Variants in PIGF observed in about 807,000 individuals in gnomAD.
PIGF encodes GPI ethanolamine phosphate transferase, stabilizing subunit.
In PIGF, 23 loss-of-function variants were observed where a neutral mutation model predicts 26.0. The observed-to-expected ratio is 0.88, with a 90% CI of 0.64 to 1.25. The LOEUF is 1.25. PIGF is among the 50% of genes most tolerant of loss of function. The probability of loss-of-function intolerance (pLI) is 0.00; values close to 1 mark genes in which losing one functional copy is unlikely to be tolerated. For synonymous variants in PIGF, 93 were observed against 92.6 expected, an observed-to-expected ratio of 1.00 and a Z score of -0.03; for missense variants, 278 against 249.9, an observed-to-expected ratio of 1.11 and a Z score of -0.76.
intron 4 of PIGF, among the ~76,000 whole-genome samples, chr2:46,598,832 G>C (rs1457125958): frequency 1.3e-5 from 2 of 152,088 alleles, no homozygotes; most frequent in East Asian, 3.8e-4. Flanking sequence ...ATGGTATACA[G>C]TTATATCTCA....
chr2:46,613,606 G>C, intron 3 of PIGF, 88 bp downstream of exon 3: 1 of 906,634 alleles, frequency 1.1e-6, no homozygotes, highest in Non-Finnish European at 1.6e-6. Flanking sequence ...TGCACATCAT[G>C]GTTTTTCTCT....
At position 46,615,094 on chromosome 2, in the gene PIGF, A is replaced by T. The variant is rs190934977; in HGVS notation, c.71T>A (p.Val24Asp). The part of the protein sequence containing the change: ...LLCIFSIILS[V>D]FIPSLFLENF... Reference sequence around the variant, plus strand: ...CTCCAAGAAGAGTGATGGAATGAAGACACTTAGGATAATTGAAAATATGCA... The same window carrying T: ...CTCCAAGAAGAGTGATGGAATGAAGTCACTTAGGATAATTGAAAATATGCA... The change falls in exon 2 of 6, where the codon GTC (valine) becomes GAC (aspartate). Residue 24 changes from valine (V) to aspartate (D), a missense_variant. Val to Asp is a radical substitution (Grantham distance 152). Coordinates refer to ENST00000281382, the MANE Select transcript of PIGF (RefSeq NM_002643.4). 60 of 1,586,436 alleles carry T rather than the reference A, an allele frequency of 3.8e-5. No homozygotes were observed. In the Admixed American group the frequency reaches 6.8e-4, roughly 18 times the overall value.
intron 5 of PIGF, chr2:46,591,805 C>T: frequency 7.8e-7 from 1 of 1,278,724 alleles, no homozygotes; most frequent in Non-Finnish European, 1.0e-6. Context: ...GCACTTACCT[C>T]ACAGTGCTTT....
intron 1 of PIGF, chr2:46,616,042 C>T (rs924674294): frequency 8.7e-6 from 1 of 114,614 alleles, no homozygotes; most frequent in Non-Finnish European, 1.8e-5. Context: ...TATACACACA[C>T]ACGCACACGC....
rs199892069 is a variant in PIGF at position 46,592,504 on chromosome 2, T to C, written c.517A>G (p.Ile173Val). The change falls in exon 5 of 6, where the codon ATT becomes GTT. Residue 173 changes from isoleucine (I) to valine (V), a missense_variant. Ile to Val is a conservative substitution (Grantham distance 29). Transcript: ENST00000281382. Reference sequence around the variant, plus strand: ...CATGGTCTTTCCCAATCCAGTGGAATAGGAAGTGCTCCAAGCCATGCTCCT... The same window carrying C: ...CATGGTCTTTCCCAATCCAGTGGAACAGGAAGTGCTCCAAGCCATGCTCCT... ...FVGAWLGALP[I>V]PLDWERPWQV... 1 of 1,605,398 alleles carries C rather than the reference T, an allele frequency of 6.2e-7. No individual in the cohort carries two copies. The highest frequency in any genetic ancestry group is 1.1e-5 in the South Asian group (1 of 90,888).
intron 4 of PIGF, among the ~76,000 whole-genome samples, chr2:46,608,588 T>C (rs1480887879): frequency 6.6e-6 from 1 of 152,236 alleles, no homozygotes; most frequent in African/African-American, 2.4e-5. Context: ...CTATGGCAGC[T>C]ATAGCCTTAC....
At chr2:46,608,980 C>G (rs1229251071) in intron 4 of PIGF, among the ~76,000 whole-genome samples, 5 of 152,220 alleles carry the variant, frequency 3.3e-5, no homozygotes, top group African/African-American at 1.2e-4. Context: ...TGCACTGGCC[C>G]CTAACAAGAG....
chr2:46,596,202 G>C (rs1365369407), intron 4 of PIGF, among the ~76,000 whole-genome samples: 2 of 139,128 alleles, frequency 1.4e-5, no homozygotes, highest in African/African-American at 5.7e-5. Context: ...GACAGAGCGA[G>C]ACCCCATCTC....
chr2:46,595,893 C>G (rs17035361), intron 4 of PIGF, among the ~76,000 whole-genome samples: 36,005 of 151,978 alleles, frequency 0.24, 5,174 homozygotes, highest in African/African-American at 0.41. Context: ...TTTCAATCAA[C>G]GCAACTTTAC....
At chr2:46,595,126 T>C (rs1669843402) in intron 4 of PIGF, among the ~76,000 whole-genome samples, 1 of 152,204 alleles carries the variant, frequency 6.6e-6, no homozygotes, top group Non-Finnish European at 1.5e-5. Context: ...AAATCCTTTC[T>C]AGCCATACAA....
rs1343222411 is a variant in PIGF, at chr2:46,612,345, C to G, written c.321-1G>C. The G allele has an allele frequency of 8.6e-7, 1 of 1,168,112 alleles. No individual in the cohort carries two copies. The highest frequency in any genetic ancestry group is 1.2e-6 in the Non-Finnish European group (1 of 833,584). 72.4% of individuals were successfully genotyped at this position (1,168,112 alleles called of 1,614,324 possible). ...AAATAAAAATGTTTCCAATGCCAAC[C>G]TAGAAAAAAAAAAAGATTACTTTTT... On this transcript the variant is annotated splice_acceptor_variant, in intron 3 of 5. Transcript: ENST00000281382. LOFTEE classifies it high-confidence loss of function.
intron 5 of PIGF, 58 bp downstream of exon 5, chr2:46,592,417 C>T: frequency 1.1e-6 from 1 of 882,154 alleles, no homozygotes; most frequent in Non-Finnish European, 1.9e-6. Context: ...TTTGCTTCAT[C>T]TGTTTTACTA....
Position 46,601,387 on chromosome 2 carries a change from G to A in PIGF, c.438-8804C>T, listed in dbSNP as rs557912005. Among the ~76,000 whole-genome samples the A allele has an allele frequency of 5.7e-4, 86 of 152,184 alleles. No individual in the cohort carries two copies. In the South Asian group the frequency reaches 0.017, roughly 30 times the overall value. On this transcript the variant is annotated intron_variant, in intron 4 of 5. Transcript: ENST00000281382. The stretch of plus-strand genomic sequence containing the variant: ...ATCAAATATTAATTGAAGTAAACAG[G>A]CCATTTTGAGTGCCTACTACGTGCC...
At chr2:46,616,430 T>C (rs1189370589) in intron 1 of PIGF, 2 of 152,422 alleles carry the variant, frequency 1.3e-5, no homozygotes, top group African/African-American at 4.8e-5. Context: ...CAGATGTGGA[T>C]GTAATACAGT....
At chr2:46,585,717 G>A (rs1250826998) in intron 5 of PIGF, among the ~76,000 whole-genome samples, 1 of 152,094 alleles carries the variant, frequency 6.6e-6, no homozygotes, top group Middle Eastern at 3.2e-3. Flanking sequence ...AATAGTTCAT[G>A]AGTAATATAC....
At chr2:46,613,641 T>G (rs1357760847) in intron 3 of PIGF, 53 bp downstream of exon 3, 1 of 1,331,334 alleles carries the variant, frequency 7.5e-7, no homozygotes, top group Non-Finnish European at 1.0e-6. Flanking sequence ...AGCACACAGT[T>G]TGGTAAATGA....
At chr2:46,608,773 AT>A (rs549196464) in intron 4 of PIGF, among the ~76,000 whole-genome samples, 18 of 150,598 alleles carry the variant, frequency 1.2e-4, no homozygotes, top group African/African-American at 2.4e-4. Flanking sequence ...TTTTGAAAGG[AT>A]TTTTTTTTTC....
At chr2:46,607,480 T>C (rs1207929225) in intron 4 of PIGF, among the ~76,000 whole-genome samples, 1 of 152,220 alleles carries the variant, frequency 6.6e-6, no homozygotes, top group Non-Finnish European at 1.5e-5. Flanking sequence ...CCAGTGCATA[T>C]AAAAGTTATA....
intron 4 of PIGF, among the ~76,000 whole-genome samples, chr2:46,593,138 T>C (rs931861833): frequency 1.3e-5 from 2 of 150,998 alleles, no homozygotes; most frequent in Admixed American, 1.3e-4. Context: ...GTCTTTCTTT[T>C]TTTTTTTTTT....
Sources: allele counts gnomAD v4.1 joint callset (sites outside exome capture counted in the v4.1 genomes callset), GRCh38; gene constraint gnomAD v4.1.1; transcripts MANE v1.5; gene names NCBI Gene and HGNC (gene_info 2026-07-23, HGNC 2026-07-21).